CLVS1: variants seen among roughly 807,000 people sequenced by gnomAD.
CLVS1 encodes clavesin-1.
Under a neutral mutation model 33.1 loss-of-function variants are expected in CLVS1, and 10 were observed. The ratio of observed to expected loss-of-function variants is 0.30; its 90% CI spans 0.19 to 0.51. The LOEUF (loss-of-function observed/expected upper bound fraction) is 0.51, where lower values mean the gene tolerates loss of function less well. Among genes scored for constraint, CLVS1 ranks in the 20% least tolerant of loss-of-function variants. CLVS1 has a pLI of 0.97. For missense variants in CLVS1, 343 were observed against 433.4 expected (o/e 0.79, Z 1.85); for synonymous variants, 163 against 166.1 (o/e 0.98, Z 0.14).
chr8:61,492,732 G>T (rs112923441), intron 5 of CLVS1, among the ~76,000 whole-genome samples: 4,119 of 152,168 alleles, frequency 0.027, 79 homozygotes, highest in South Asian at 0.065. Context: ...TCAGTAAATT[G>T]TGGAAAATTT....
chr8:61,000,166 A>G, the CLVS1 span, among the ~76,000 whole-genome samples: 1 of 152,248 alleles, frequency 6.6e-6, no homozygotes, highest in Non-Finnish European at 1.5e-5. Context: ...CTCTGAATCC[A>G]ATGATTTGGT....
chr8:61,272,353 T>C (rs1351186861), intron 2 of CLVS1, among the ~76,000 whole-genome samples: 3 of 152,250 alleles, frequency 2.0e-5, no homozygotes, highest in South Asian at 2.1e-4. Flanking sequence ...GGTTTTCTGC[T>C]GAGAGATCCG....
chr8:60,980,357 TA>T, the CLVS1 span, among the ~76,000 whole-genome samples: 57 of 152,380 alleles, frequency 3.7e-4, no homozygotes, highest in East Asian at 0.01. Context: ...GAAAGCATTT[TA>T]TGTCTCTATG....
At chr8:61,346,398 C>T (rs905096349) in intron 2 of CLVS1, among the ~76,000 whole-genome samples, 5 of 152,020 alleles carry the variant, frequency 3.3e-5, no homozygotes, top group Non-Finnish European at 5.9e-5. Context: ...AAGCAGAGGT[C>T]GCAGTTGAGG....
chr8:61,498,843 A>G (rs1804385193), intron 5 of CLVS1, among the ~76,000 whole-genome samples: 2 of 152,192 alleles, frequency 1.3e-5, no homozygotes, highest in African/African-American at 2.4e-5. Flanking sequence ...CCAGTAAGGG[A>G]CAGAGTCTAA....
chr8:61,090,408 C>A (rs1335505399), intron 1 of CLVS1, among the ~76,000 whole-genome samples: 1 of 152,136 alleles, frequency 6.6e-6, no homozygotes, highest in African/African-American at 2.4e-5. Context: ...AGAAGCACAG[C>A]CTGCTTGCAC....
intron 2 of CLVS1, among the ~76,000 whole-genome samples, chr8:61,253,921 G>T (rs1465381556): frequency 6.6e-6 from 1 of 152,024 alleles, no homozygotes; most frequent in Non-Finnish European, 1.5e-5. Context: ...CTCTCAACTC[G>T]TCAAAGTCAT....
At chr8:61,070,265 A>G (rs570362084) in intron 1 of CLVS1, among the ~76,000 whole-genome samples, 81 of 152,244 alleles carry the variant, frequency 5.3e-4, no homozygotes, top group Admixed American at 2.9e-3. Context: ...CTCATATCAC[A>G]TGCACTCCTC....
intron 2 of CLVS1, chr8:61,202,880 A>G (rs1807765685): frequency 2.2e-6 from 2 of 896,934 alleles, no homozygotes; most frequent in Non-Finnish European, 3.5e-6. Context: ...GAAGATGATG[A>G]TGATGATTTT....
At chr8:61,433,585 G>A (rs1235943453) in intron 3 of CLVS1, among the ~76,000 whole-genome samples, 2 of 152,110 alleles carry the variant, frequency 1.3e-5, no homozygotes, top group African/African-American at 4.8e-5. Flanking sequence ...CTCTGATGGA[G>A]ATGCTTACAC....
At chr8:61,338,948 G>T (rs989423740) in intron 2 of CLVS1, among the ~76,000 whole-genome samples, 8 of 151,186 alleles carry the variant, frequency 5.3e-5, no homozygotes, top group Admixed American at 2.6e-4. Flanking sequence ...AGTAGGCTTG[G>T]CCACCAAAGG....
intron 2 of CLVS1, among the ~76,000 whole-genome samples, chr8:61,232,489 C>T (rs1033619878): frequency 6.6e-6 from 1 of 152,080 alleles, no homozygotes; most frequent in East Asian, 1.9e-4. Flanking sequence ...AAACCAGGCT[C>T]AAAATAAAAT....
intron 3 of CLVS1, among the ~76,000 whole-genome samples, chr8:61,391,891 T>C (rs1814318304): frequency 6.6e-6 from 1 of 152,186 alleles, no homozygotes; most frequent in South Asian, 2.1e-4. Flanking sequence ...ATAAAAGAAA[T>C]GACATCTTGA....
intron 1 of CLVS1, among the ~76,000 whole-genome samples, chr8:61,112,696 T>G (rs553718686): frequency 7.2e-5 from 11 of 152,320 alleles, no homozygotes; most frequent in Non-Finnish European, 1.5e-4. Context: ...GGAGGAGCCT[T>G]GATTGAACCT....
At chr8:60,991,278 A>G in the CLVS1 span, among the ~76,000 whole-genome samples, 2 of 152,240 alleles carry the variant, frequency 1.3e-5, no homozygotes, top group African/African-American at 4.8e-5. Flanking sequence ...AGGAAAAAAA[A>G]TCTCTAGTCT....
chr8:61,127,990 G>A (rs1233759680), intron 1 of CLVS1, among the ~76,000 whole-genome samples: 1 of 152,218 alleles, frequency 6.6e-6, no homozygotes, highest in Non-Finnish European at 1.5e-5. Flanking sequence ...TAAAAACACA[G>A]AGATGATGTT....
intron 2 of CLVS1, among the ~76,000 whole-genome samples, chr8:61,352,176 G>A (rs550199175): frequency 6.6e-5 from 10 of 151,988 alleles, no homozygotes; most frequent in Admixed American, 6.6e-4. Flanking sequence ...ATACTTCATT[G>A]GAAAAGGTAA....
chr8:61,200,002 C>T (rs1807695296), intron 2 of CLVS1, among the ~76,000 whole-genome samples: 2 of 152,094 alleles, frequency 1.3e-5, no homozygotes, highest in African/African-American at 4.8e-5. Flanking sequence ...ACAACCTTCT[C>T]TTTAGTAAGT....
At chr8:61,174,750 A>G (rs1286014601) in intron 2 of CLVS1, among the ~76,000 whole-genome samples, 2 of 149,542 alleles carry the variant, frequency 1.3e-5, no homozygotes, top group Non-Finnish European at 3.0e-5. Flanking sequence ...TGGCTTCAAG[A>G]ACTTACAATT....
Sources: gnomAD v4.1 joint callset for allele counts (sites outside exome capture counted in the v4.1 genomes callset) on GRCh38, gnomAD v4.1.1 for gene constraint, MANE v1.5 for transcripts, NCBI Gene and HGNC (gene_info 2026-07-23, HGNC 2026-07-21) for gene names.